F8: variants seen among roughly 807,000 people sequenced by gnomAD.
The protein encoded by F8 is coagulation factor VIII.
Under a neutral mutation model 140.6 loss-of-function variants are expected in F8, and 12 were observed. The observed-to-expected ratio is 0.09, with a 90% CI of 0.05 to 0.14. The LOEUF is 0.14. F8 is among the 10% of genes least tolerant of loss of function. F8 has a pLI of 1.00. For synonymous variants in F8, 585 were observed against 614.6 expected, an observed-to-expected ratio of 0.95 and a Z score of 0.71; for missense variants, 1,354 against 1,720.7, an observed-to-expected ratio of 0.79 and a Z score of 3.77.
At chrX:155,004,184 T>TA (rs2073665017) in intron 1 of F8, among the ~76,000 whole-genome samples, 1 of 110,952 alleles carries the variant, frequency 9.0e-6, no homozygotes, top group African/African-American at 3.3e-5. Context: ...CTGACATATT[T>TA]AAAGTGTTGA....
intron 24 of F8, 28 bp downstream of exon 24, chrX:154,861,689 AG>A (rs782433673): frequency 1.2e-4 from 142 of 1,207,006 alleles, no homozygotes; most frequent in Non-Finnish European, 1.5e-4. Context: ...GCTCTGAGTC[AG>A]TTAAACAGTA....
In F8 at chrX:154,865,579, G is replaced by GT. The variant is rs782092898; in HGVS notation, c.6430-2353_6430-2352insA. On this transcript the variant is annotated intron_variant, in intron 22 of 25. Coordinates refer to ENST00000360256, the MANE Select transcript of F8 (RefSeq NM_000132.4). ...ATGACGTCGATTACATAAAGTTGTGGCGGGGGGAATGAGTAAAGTATAGAG... is the reference window on the plus strand; with the variant it reads ...ATGACGTCGATTACATAAAGTTGTGGTCGGGGGGAATGAGTAAAGTATAGAG... Among the ~76,000 whole-genome samples the GT allele has an allele frequency of 3.4e-4, 37 of 109,879 alleles. No homozygotes were observed. The South Asian group carries it at 0.014, about 42-fold the overall frequency.
intron 19 of F8, 32 bp downstream of exon 19, chrX:154,902,019 G>A (rs782604041): frequency 2.1e-6 from 2 of 968,256 alleles, no homozygotes; most frequent in Non-Finnish European, 3.0e-6. Flanking sequence ...AGGCTGAGTA[G>A]GTAGGGAACC....
intron 22 of F8, among the ~76,000 whole-genome samples, chrX:154,876,180 C>A (rs1387405412): frequency 1.0e-5 from 1 of 99,224 alleles, no homozygotes; most frequent in African/African-American, 3.9e-5. Context: ...AGTGCCGTGG[C>A]GCGATCTCGG....
At chrX:154,843,047 T>C (rs1480492855) in intron 25 of F8, among the ~76,000 whole-genome samples, 6 of 111,544 alleles carry the variant, frequency 5.4e-5, no homozygotes, top group African/African-American at 2.0e-4. Context: ...ACATGCGGTG[T>C]TTGGTTTTTT....
At chrX:155,014,198 A>T (rs1314745325) in intron 1 of F8, among the ~76,000 whole-genome samples, 3 of 112,527 alleles carry the variant, frequency 2.7e-5, no homozygotes, top group Non-Finnish European at 5.6e-5. Context: ...TGACCATTTG[A>T]ATAGATGCAG....
chrX:154,876,091 A>G (rs1441241206), intron 22 of F8, among the ~76,000 whole-genome samples: 2 of 108,814 alleles, frequency 1.8e-5, no homozygotes, highest in African/African-American at 3.4e-5. Context: ...TTATATGATC[A>G]CACATCAGTT....
Position 154,929,690 on chromosome X carries a change from G to A in F8, c.4100C>T (p.Thr1367Ile). 1.7e-6 allele frequency: 2 copies of A among 1,209,321 alleles called. No individual in the cohort carries two copies. The highest frequency in any genetic ancestry group is 1.8e-5 in the South Asian group (1 of 56,567). The change falls in exon 14 of 26, where the codon ACC (threonine) becomes ATC (isoleucine). Residue 1367 changes from threonine (T) to isoleucine (I), a missense_variant. Physicochemically the swap from Thr to Ile is moderately conservative, Grantham distance 89. Coordinates refer to ENST00000360256, the MANE Select transcript of F8 (RefSeq NM_000132.4). Reference protein sequence around the residue: ...TQWSKNMKHLTPSTLTQIDYN... With the variant: ...TQWSKNMKHLIPSTLTQIDYN... ...GTCTATCTGTGTGAGGGTGCTCGGG[G>A]TCAAATGTTTCATGTTTTTGGACCA...
intron 3 of F8, among the ~76,000 whole-genome samples, chrX:154,995,979 C>A (rs782110099): frequency 9.0e-6 from 1 of 111,139 alleles, no homozygotes; most frequent in East Asian, 2.8e-4. Context: ...AAAGGTGTTA[C>A]CTTTTCTGAT....
Position 154,931,350 on chromosome X carries a change from G to C in F8, c.2440C>G (p.Arg814Gly). 8.3e-7 allele frequency: 1 copy of C among 1,210,148 alleles called. No individual in the cohort carries two copies. The highest frequency in any genetic ancestry group is 1.1e-6 in the Non-Finnish European group (1 of 894,102). ...AGCCCATGTGGAGTAGGACTCTGTC[G>C]CAAGAGCATCAACAAATCACTAGAG... ...VSSSDLLMLLRQSPTPHGLSL... is the reference protein window; with the variant it reads ...VSSSDLLMLLGQSPTPHGLSL... The change falls in exon 14 of 26, where the codon CGA becomes GGA. Residue 814 changes from arginine (R) to glycine (G), a missense_variant. Coordinates refer to ENST00000360256, the MANE Select transcript of F8 (RefSeq NM_000132.4).
chrX:154,958,914 C>T (rs145129229), intron 10 of F8, among the ~76,000 whole-genome samples: 1,510 of 111,646 alleles, frequency 0.014, 27 homozygotes, highest in African/African-American at 0.045. Context: ...CCGCACCCAG[C>T]GGGAAAATTT....
intron 1 of F8, among the ~76,000 whole-genome samples, chrX:155,018,493 A>G (rs1471175261): frequency 2.9e-5 from 3 of 103,485 alleles, no homozygotes; most frequent in Non-Finnish European, 5.9e-5. Context: ...TACCAACTAG[A>G]AAAAAAAAAA....
intron 4 of F8, among the ~76,000 whole-genome samples, chrX:154,987,541 G>A (rs1406575867): frequency 3.6e-5 from 4 of 112,175 alleles, no homozygotes; most frequent in Non-Finnish European, 7.5e-5. Flanking sequence ...TGTAAAATAT[G>A]ATAAAAATGA....
At chrX:154,945,634 C>T (rs782227042) in intron 13 of F8, among the ~76,000 whole-genome samples, 5 of 111,995 alleles carry the variant, frequency 4.5e-5, no homozygotes, top group Non-Finnish European at 9.4e-5. Flanking sequence ...CGGCTAATAT[C>T]ATACCAAATG....
intron 1 of F8, among the ~76,000 whole-genome samples, chrX:155,013,083 T>C (rs1294935022): frequency 4.0e-5 from 4 of 101,113 alleles, no homozygotes; most frequent in Non-Finnish European, 7.9e-5. Flanking sequence ...GAGGCGGAGC[T>C]TGCAGTGAGC....
chrX:154,960,697 A>G (rs978382371), intron 10 of F8, among the ~76,000 whole-genome samples: 3 of 110,805 alleles, frequency 2.7e-5, no homozygotes, highest in Non-Finnish European at 5.7e-5. Context: ...ATACCACACT[A>G]GATACCAAAA....
chrX:154,866,933 TAAAC>T (rs1236244072), intron 22 of F8, among the ~76,000 whole-genome samples: 4 of 108,157 alleles, frequency 3.7e-5, no homozygotes, highest in Non-Finnish European at 7.7e-5. Context: ...TTTGAAAAAA[TAAAC>T]AAAATTGACA....
intron 25 of F8, among the ~76,000 whole-genome samples, chrX:154,849,978 T>C (rs1253917963): frequency 9.0e-6 from 1 of 111,136 alleles, no homozygotes; most frequent in Non-Finnish European, 1.9e-5. Flanking sequence ...GCTGTTGTCA[T>C]ATGTTCTAAA....
intron 25 of F8, among the ~76,000 whole-genome samples, chrX:154,844,938 T>C (rs1244809933): frequency 9.0e-6 from 1 of 110,733 alleles, no homozygotes; most frequent in Non-Finnish European, 1.9e-5. Flanking sequence ...TTGTCATAAA[T>C]AGCTCTTATT....
Sources: gnomAD v4.1 joint callset for allele counts (sites outside exome capture counted in the v4.1 genomes callset) on GRCh38, gnomAD v4.1.1 for gene constraint, MANE v1.5 for transcripts, NCBI Gene and HGNC (gene_info 2026-07-23, HGNC 2026-07-21) for gene names.